The following SPON2 variants were observed in gnomAD, a reference collection of about 807,000 sequenced individuals.
SPON2 encodes spondin 2, also known as spondin-2.
In SPON2, 32 loss-of-function variants were observed where a neutral mutation model predicts 29.9. The observed-to-expected ratio is 1.07, with a 90% confidence interval of 0.81 to 1.44. The LOEUF is 1.44. SPON2 is among the 40% of genes most tolerant of loss of function. SPON2 has a pLI of 0.00. For synonymous variants in SPON2, 248 were observed against 209.1 expected, an observed-to-expected ratio of 1.19 and a Z score of -1.61; for missense variants, 541 against 455.5, an observed-to-expected ratio of 1.19 and a Z score of -1.71.
chr4:1,180,176 T>C (rs1175283752), intron 1 of SPON2, among the ~76,000 whole-genome samples: 11 of 152,138 alleles, frequency 7.2e-5, no homozygotes, highest in Admixed American at 6.5e-4. Context: ...GCAGAGTTGT[T>C]AACTGCCCGA....
rs569936745 is a variant in SPON2 at position 1,188,644 on chromosome 4, T to C, written c.-239+6346A>G. Among the ~76,000 whole-genome samples, 11 of 152,320 alleles carry C rather than the reference T, an allele frequency of 7.2e-5. No homozygotes were observed. The East Asian group carries it at 2.1e-3, about 29-fold the overall frequency. On this transcript the variant is annotated intron_variant, in intron 1 of 3. Transcript: ENST00000502483. ...AAAATATCACCGTTATCAACATATGTGCACCTGACACAGAGCCCCAAGATA... is the reference window on the plus strand; with the variant it reads ...AAAATATCACCGTTATCAACATATGCGCACCTGACACAGAGCCCCAAGATA...
chr4:1,167,502 CTCT>C lies in SPON2; in HGVS notation c.963_965del (p.Glu322del), dbSNP rs757497797. ...CGCAGTTATCAGGGACGCACTCAGC[CTCT>C]TCTTCGAGCTCGGGGCAGGGGCTCC... On this transcript the variant is annotated inframe_deletion, in exon 6 of 6. Coordinates refer to ENST00000290902, the MANE Select transcript of SPON2 (RefSeq NM_012445.4). 59 of 1,613,660 alleles carry C rather than the reference CTCT, an allele frequency of 3.7e-5. No homozygotes were observed. Among genetic ancestry groups the C allele is most frequent in the Non-Finnish European group, 4.4e-5 (52 of 1,179,970 alleles).
intron 1 of SPON2, among the ~76,000 whole-genome samples, chr4:1,205,579 C>T (rs545278559): frequency 3.7e-4 from 26 of 71,062 alleles, no homozygotes; most frequent in Non-Finnish European, 7.6e-4. Flanking sequence ...CCATCGGAGC[C>T]GCCTGGCCTT....
At chr4:1,190,822 T>C (rs1727897726) in intron 1 of SPON2, among the ~76,000 whole-genome samples, 1 of 152,060 alleles carries the variant, frequency 6.6e-6, no homozygotes, top group Non-Finnish European at 1.5e-5. Flanking sequence ...ATGAACAATA[T>C]GAAAATGAAA....
In SPON2 at chr4:1,202,051, G is replaced by A. The variant is rs565420241; in HGVS notation, c.-234+5829C>T. Among the ~76,000 whole-genome samples the A allele has an allele frequency of 6.6e-5, 10 of 152,252 alleles. No individual in the cohort carries two copies. The highest frequency in any genetic ancestry group is 1.7e-4 in the African/African-American group (7 of 41,530). On this transcript the variant is annotated intron_variant, in intron 1 of 3. Transcript: ENST00000509233. This position sits in a 1 kb window ranked among gnomAD's most constrained non-coding sequence, Gnocchi z 5.4. ...CAACCATCCCCACTCATCTCACTCC[G>A]GAACACGTTCATCATCCGCAGAAGA...
upstream of SPON2, among the ~76,000 whole-genome samples, chr4:1,174,486 C>CAAAAAAAAAAAAA (rs59532169): frequency 2.1e-4 from 20 of 94,244 alleles, no homozygotes; most frequent in African/African-American, 5.3e-4. Flanking sequence ...GACTCCATCT[C>CAAAAAAAAAAAAA]AAAAAAAAAA....
chr4:1,186,176 G>A (rs867688330), intron 1 of SPON2, among the ~76,000 whole-genome samples: 9 of 151,598 alleles, frequency 5.9e-5, no homozygotes, highest in South Asian at 2.1e-4. Flanking sequence ...CCTGGGAGGC[G>A]GAGCTTGCAG....
Position 1,171,954 on chromosome 4 carries a change from G to A in SPON2, c.118C>T (p.Leu40=). The A allele has an allele frequency of 6.2e-7, 1 of 1,612,886 alleles. No homozygotes were observed. Among genetic ancestry groups the A allele is most frequent in the Non-Finnish European group, 8.5e-7 (1 of 1,179,836 alleles). ...GGESICSARA[L]AKYSITFTGK... ...GTGAAGGTGATGCTGTATTTGGCCAGGGCTCTGGCGGAACAGATGGACTCT... is the reference window on the plus strand; with the variant it reads ...GTGAAGGTGATGCTGTATTTGGCCAAGGCTCTGGCGGAACAGATGGACTCT... The change falls in exon 2 of 6, where the codon CTG becomes TTG. Residue 40 remains leucine, a synonymous_variant. Transcript: ENST00000290902.
chr4:1,203,835 C>T (rs541002217), intron 1 of SPON2, among the ~76,000 whole-genome samples: 20 of 151,668 alleles, frequency 1.3e-4, no homozygotes, highest in Admixed American at 2.0e-4. Flanking sequence ...GTTGGCTGGT[C>T]GCATATATTA....
intron 1 of SPON2, among the ~76,000 whole-genome samples, chr4:1,189,638 CAAAAAAAA>C (rs61543201): frequency 0.016 from 987 of 60,272 alleles, 11 homozygotes; most frequent in African/African-American, 0.055. Flanking sequence ...GACCCTGTCT[CAAAAAAAA>C]AAAAAAAAAA....
At chr4:1,189,934 G>A (rs1428814954) in intron 1 of SPON2, among the ~76,000 whole-genome samples, 1 of 149,924 alleles carries the variant, frequency 6.7e-6, no homozygotes, top group African/African-American at 2.5e-5. Context: ...GCTTGTAAGT[G>A]AGCTGAGATC....
intron 1 of SPON2, among the ~76,000 whole-genome samples, chr4:1,203,063 T>G (rs1189547880): frequency 6.6e-6 from 1 of 152,132 alleles, no homozygotes; most frequent in East Asian, 1.9e-4. Flanking sequence ...CTGTTTTTCC[T>G]CCGAATTCTG....
intron 1 of SPON2, among the ~76,000 whole-genome samples, chr4:1,193,814 TGGGGGGGTGGCGTGGG>T (rs1727971179): frequency 9.0e-4 from 9 of 10,006 alleles, no homozygotes; most frequent in Non-Finnish European, 1.5e-3. Context: ...GGGAAGGACG[TGGGGGGGTGGCGTGGG>T]AAGGACGTGG....
intron 1 of SPON2, among the ~76,000 whole-genome samples, chr4:1,191,081 TC>T (rs1727904335): frequency 6.6e-6 from 1 of 151,388 alleles, no homozygotes; most frequent in African/African-American, 2.4e-5. Flanking sequence ...GCTTTTTTTT[TC>T]TTTTTTTTTT....
Position 1,194,939 on chromosome 4 carries a change from C to T in SPON2, c.-239+51G>A, listed in dbSNP as rs577902447. Reference sequence around the variant, plus strand: ...CCGGCGGCTCCAACCCCGCAGCCGGCGGCTCCAACCTCGCAGCCGGCGACT... The same window carrying T: ...CCGGCGGCTCCAACCCCGCAGCCGGTGGCTCCAACCTCGCAGCCGGCGACT... On this transcript the variant is annotated intron_variant, in intron 1 of 3. Transcript: ENST00000502483. 1.0e-3 allele frequency: 144 copies of T among 144,024 alleles called. 1 individual carries two copies. The highest frequency in any genetic ancestry group is 3.6e-3 in the African/African-American group (136 of 37,508). The allele number at this position is 144,024 out of a possible 1,614,324, so 8.9% of individuals were successfully genotyped here.
At chr4:1,182,021 T>TGA (rs1355731774) in intron 1 of SPON2, among the ~76,000 whole-genome samples, 1 of 152,146 alleles carries the variant, frequency 6.6e-6, no homozygotes, top group Non-Finnish European at 1.5e-5. Context: ...AGAAAAGACC[T>TGA]GAGAAGACCT....
intron 1 of SPON2, among the ~76,000 whole-genome samples, chr4:1,191,784 C>T (rs978794993): frequency 3.3e-5 from 5 of 152,174 alleles, no homozygotes; most frequent in Non-Finnish European, 5.9e-5. Context: ...AGGGTGTGTG[C>T]GAGGCAGCGG....
At chr4:1,167,768 T>G in intron 5 of SPON2, 112 bp from the exon 6 acceptor site, 2 of 1,202,538 alleles carry the variant, frequency 1.7e-6, no homozygotes, top group Non-Finnish European at 2.3e-6. Flanking sequence ...ACGCCCACCC[T>G]TCGGGGGCAC....
intron 1 of SPON2, among the ~76,000 whole-genome samples, chr4:1,185,969 G>T (rs532580973): frequency 6.6e-6 from 1 of 151,852 alleles, no homozygotes; most frequent in Non-Finnish European, 1.5e-5. Flanking sequence ...ATCTGGCCGG[G>T]CGTGGTGGCT....
Sources: gnomAD v4.1 joint callset for allele counts (sites outside exome capture counted in the v4.1 genomes callset) on GRCh38, gnomAD v4.1.1 for gene constraint, Gnocchi (gnomAD v3.1) non-coding constraint, MANE v1.5 for transcripts, NCBI Gene and HGNC (gene_info 2026-07-23, HGNC 2026-07-21) for gene names.